Variants in PTPRJ observed in about 807,000 individuals in gnomAD.
PTPRJ encodes the protein receptor-type tyrosine-protein phosphatase eta.
In PTPRJ, 129 loss-of-function variants were observed where a neutral mutation model predicts 141.3. The observed-to-expected ratio is 0.91, with a 90% CI of 0.79 to 1.06. PTPRJ has a LOEUF of 1.06. PTPRJ is among the 50% of genes least tolerant of loss of function. The pLI is 0.00. For synonymous variants in PTPRJ, 610 were observed against 640.5 expected (o/e 0.95, Z 0.72); for missense variants, 1,601 against 1,679.7 (o/e 0.95, Z 0.82).
intron 1 of PTPRJ, among the ~76,000 whole-genome samples, chr11:47,985,605 C>G (rs962489120): frequency 1.3e-5 from 2 of 152,198 alleles, no homozygotes; most frequent in African/African-American, 4.8e-5. Flanking sequence ...CCCCAATTTA[C>G]CATCCTGTGC....
rs559273139 is a variant in PTPRJ at position 48,045,524 on chromosome 11, C to T, written c.96+64516C>T. Among the ~76,000 whole-genome samples the T allele has an allele frequency of 3.3e-3, 499 of 152,292 alleles. 5 individuals are homozygous for T. The highest frequency in any genetic ancestry group is 0.012 in the African/African-American group (483 of 41,570). Reference sequence around the variant, plus strand: ...GTAATAAATGGAAACCGTTTGCTCCCGACTTTTGCAGATATCAAGGGCTTG... The same window carrying T: ...GTAATAAATGGAAACCGTTTGCTCCTGACTTTTGCAGATATCAAGGGCTTG... On this transcript the variant is annotated intron_variant, in intron 1 of 24. Transcript: ENST00000418331.
intron 1 of PTPRJ, among the ~76,000 whole-genome samples, chr11:48,000,384 G>C (rs900626919): frequency 6.6e-6 from 1 of 151,752 alleles, no homozygotes; most frequent in Non-Finnish European, 1.5e-5. Flanking sequence ...GGGCTCAAAC[G>C]ATCCTCCCGT....
At chr11:48,124,068 G>A (rs1329179425) in intron 5 of PTPRJ, among the ~76,000 whole-genome samples, 198 bp downstream of exon 5, 1 of 152,184 alleles carries the variant, frequency 6.6e-6, no homozygotes, top group Non-Finnish European at 1.5e-5. Flanking sequence ...GGAACACATT[G>A]GGGCTGAGAA....
At position 48,125,092 on chromosome 11, in the gene PTPRJ, C is replaced by A. The variant is rs144303799; in HGVS notation, c.999C>A (p.Val333=). 2 of 1,614,038 alleles carry A rather than the reference C, an allele frequency of 1.2e-6. No individual in the cohort carries two copies. The highest frequency in any genetic ancestry group is 1.7e-6 in the Non-Finnish European group (2 of 1,180,012). Residue 333 remains valine, a synonymous_variant, in exon 6 of 25, where the codon GTC becomes GTA. Transcript: ENST00000418331. ...QQSRDTEVLL[V]GLEPGTRYNA... is the part of the protein sequence containing the mutation. The stretch of plus-strand genomic sequence containing the variant: ...CCCGAGACACGGAAGTCCTGCTTGT[C>A]GGGTTAGAGCCTGGCACCCGATACA...
intron 1 of PTPRJ, among the ~76,000 whole-genome samples, chr11:47,985,189 C>T (rs981535304): frequency 1.3e-5 from 2 of 151,796 alleles, no homozygotes; most frequent in Admixed American, 6.6e-5. Flanking sequence ...GCTTTGTCAC[C>T]CAGGCTGGAG....
chr11:47,986,063 T>G (rs575452268), intron 1 of PTPRJ, among the ~76,000 whole-genome samples: 137 of 152,260 alleles, frequency 9.0e-4, no homozygotes, highest in African/African-American at 3.2e-3. Flanking sequence ...TGGGTCCAGT[T>G]GACATCCCTC....
chr11:48,071,401 CCGCCTCCCGGGTTCA>C (rs1458426387), intron 1 of PTPRJ, among the ~76,000 whole-genome samples: 1 of 151,912 alleles, frequency 6.6e-6, no homozygotes, highest in Non-Finnish European at 1.5e-5. Flanking sequence ...ACTGCACCCT[CCGCCTCCCGGGTTCA>C]CGCCATTCTC....
intron 1 of PTPRJ, among the ~76,000 whole-genome samples, chr11:48,043,257 C>A (rs950408102): frequency 2.6e-5 from 4 of 152,112 alleles, no homozygotes; most frequent in Admixed American, 2.6e-4. Flanking sequence ...TGCTGTGTTG[C>A]CCAGGCTGGA....
intron 1 of PTPRJ, among the ~76,000 whole-genome samples, chr11:48,036,863 C>G (rs1402889711): frequency 6.6e-6 from 1 of 152,184 alleles, no homozygotes; most frequent in Non-Finnish European, 1.5e-5. Context: ...TGCTTCTCAC[C>G]TGGGTAGTCT....
intron 1 of PTPRJ, among the ~76,000 whole-genome samples, chr11:48,051,554 G>A (rs1246622811): frequency 2.0e-5 from 3 of 152,134 alleles, no homozygotes; most frequent in East Asian, 3.9e-4. Flanking sequence ...CAGTGGGGTG[G>A]GTCTCATCTG....
intron 1 of PTPRJ, among the ~76,000 whole-genome samples, chr11:48,066,849 G>A (rs1439672576): frequency 6.6e-6 from 1 of 152,060 alleles, no homozygotes; most frequent in Non-Finnish European, 1.5e-5. Context: ...GCCTCCCAAA[G>A]TGCTGGGATT....
chr11:48,030,820 C>G (rs1853960875), intron 1 of PTPRJ, among the ~76,000 whole-genome samples: 1 of 152,134 alleles, frequency 6.6e-6, no homozygotes. Flanking sequence ...AGCAGCGTTC[C>G]TGGGAAGTTC....
chr11:48,006,296 G>A (rs973186105), intron 1 of PTPRJ, among the ~76,000 whole-genome samples: 1 of 152,134 alleles, frequency 6.6e-6, no homozygotes, highest in African/African-American at 2.4e-5. Context: ...GGGAGAGAGA[G>A]AGAGAGAGGG....
chr11:48,141,335 A>T (rs1857224790), intron 11 of PTPRJ, among the ~76,000 whole-genome samples: 1 of 151,710 alleles, frequency 6.6e-6, no homozygotes, highest in Non-Finnish European at 1.5e-5. Flanking sequence ...TGGCTTGGAA[A>T]GGGGGGGTGT....
At chr11:48,031,615 G>T (rs956922876) in intron 1 of PTPRJ, among the ~76,000 whole-genome samples, 1 of 152,214 alleles carries the variant, frequency 6.6e-6, no homozygotes, top group African/African-American at 2.4e-5. Context: ...TCCAGCCTGA[G>T]TCTGGCTCAA....
intron 1 of PTPRJ, among the ~76,000 whole-genome samples, chr11:48,096,307 G>T (rs948337752): frequency 6.6e-6 from 1 of 152,166 alleles, no homozygotes. Context: ...TCCTGACCTT[G>T]GTATGAAAAC....
intron 1 of PTPRJ, among the ~76,000 whole-genome samples, chr11:48,103,503 A>G (rs1229424667): frequency 1.3e-5 from 2 of 152,114 alleles, no homozygotes; most frequent in East Asian, 1.9e-4. Context: ...AAACAAAACA[A>G]ACCAAAAAAA....
chr11:48,096,314 A>G (rs1399443068), intron 1 of PTPRJ, among the ~76,000 whole-genome samples: 4 of 152,162 alleles, frequency 2.6e-5, no homozygotes, highest in African/African-American at 9.7e-5. Flanking sequence ...CTTGGTATGA[A>G]AACCGTATGG....
chr11:48,085,126 TTG>T (rs903867584), intron 1 of PTPRJ, among the ~76,000 whole-genome samples: 1 of 152,228 alleles, frequency 6.6e-6, no homozygotes, highest in African/African-American at 2.4e-5. Context: ...CTGCATGTTT[TTG>T]TGTGAGTCCA....
Sources: gnomAD v4.1 joint callset for allele counts (sites outside exome capture counted in the v4.1 genomes callset) on GRCh38, gnomAD v4.1.1 for gene constraint, MANE v1.5 for transcripts, NCBI Gene and HGNC (gene_info 2026-07-23, HGNC 2026-07-21) for gene names.